The following RARB variants were observed in gnomAD, a reference collection of about 807,000 sequenced individuals.
RARB encodes the protein retinoic acid receptor beta.
Under a neutral mutation model 51.9 loss-of-function variants are expected in RARB, and 17 were observed. The ratio of observed to expected loss-of-function variants is 0.33; its 90% confidence interval spans 0.22 to 0.49. The LOEUF (loss-of-function observed/expected upper bound fraction) is 0.49. Among genes scored for constraint, RARB ranks in the 20% least tolerant of loss-of-function variants. The pLI is 0.99. For missense variants in RARB, 369 were observed against 550.8 expected, an observed-to-expected ratio of 0.67 and a Z score of 3.30; for synonymous variants, 215 against 195.4, an observed-to-expected ratio of 1.10 and a Z score of -0.84.
chr3:24,906,315 G>A (rs1399342138), intron 2 of RARB, among the ~76,000 whole-genome samples: 1 of 152,190 alleles, frequency 6.6e-6, no homozygotes, highest in East Asian at 1.9e-4. Context: ...ATGGATCTTA[G>A]TGTTTGGATT....
intron 5 of RARB, among the ~76,000 whole-genome samples, chr3:25,324,915 G>T (rs367811285): frequency 6.6e-6 from 1 of 152,102 alleles, no homozygotes; most frequent in Non-Finnish European, 1.5e-5. Flanking sequence ...AAGGAGTCCT[G>T]ATCCAGACCT....
At chr3:25,205,407 C>T (rs907926085) in intron 5 of RARB, among the ~76,000 whole-genome samples, 18 of 152,238 alleles carry the variant, frequency 1.2e-4, no homozygotes, top group South Asian at 4.1e-4. Flanking sequence ...CTTTGGCTCA[C>T]GTTCGGTGCG....
chr3:25,032,644 G>C (rs1697899598), intron 2 of RARB, among the ~76,000 whole-genome samples: 1 of 152,218 alleles, frequency 6.6e-6, no homozygotes, highest in South Asian at 2.1e-4. Context: ...TGGTCAGGCT[G>C]TGTGAGACAC....
intron 5 of RARB, among the ~76,000 whole-genome samples, chr3:25,200,878 T>G (rs1489717154): frequency 6.6e-6 from 1 of 152,222 alleles, no homozygotes; most frequent in Admixed American, 6.5e-5. Flanking sequence ...GGTAGCATGA[T>G]ACCTCCAGCT....
chr3:25,179,435 C>T (rs887676922), intron 5 of RARB, among the ~76,000 whole-genome samples: 1 of 152,134 alleles, frequency 6.6e-6, no homozygotes, highest in Non-Finnish European at 1.5e-5. Flanking sequence ...CTCTACTGGA[C>T]AGGAATCACA....
chr3:25,215,319 G>A (rs763580995), intron 5 of RARB, among the ~76,000 whole-genome samples: 2 of 152,122 alleles, frequency 1.3e-5, no homozygotes, highest in African/African-American at 2.4e-5. Context: ...TTTTAAGAAA[G>A]CATGGAAATA....
intron 4 of RARB, among the ~76,000 whole-genome samples, chr3:25,145,798 C>T (rs530563297): frequency 2.1e-4 from 32 of 151,712 alleles, no homozygotes; most frequent in Admixed American, 1.6e-3. Flanking sequence ...GAGTTCGAGA[C>T]CAGCCTGGCC....
At chr3:24,892,582 A>C (rs1703406797) in intron 2 of RARB, among the ~76,000 whole-genome samples, 1 of 152,236 alleles carries the variant, frequency 6.6e-6, no homozygotes, top group Non-Finnish European at 1.5e-5. Context: ...AGAATGGCCA[A>C]AACATATTCA....
chr3:24,882,277 A>G (rs1431880864), intron 2 of RARB, among the ~76,000 whole-genome samples: 1 of 152,200 alleles, frequency 6.6e-6, no homozygotes, highest in Non-Finnish European at 1.5e-5. Flanking sequence ...TGAATTCTGG[A>G]TGTGTTGATT....
At chr3:25,414,437 G>T (rs151260822) in intron 5 of RARB, among the ~76,000 whole-genome samples, 1 of 152,262 alleles carries the variant, frequency 6.6e-6, no homozygotes, top group East Asian at 1.9e-4. Context: ...TAAACACCTA[G>T]GCATGGAATG....
intron 2 of RARB, among the ~76,000 whole-genome samples, chr3:24,949,894 T>A (rs1184535496): frequency 3.9e-5 from 6 of 152,234 alleles, no homozygotes. Context: ...TAGCCTACAT[T>A]GGCACTGGTA....
intron 2 of RARB, among the ~76,000 whole-genome samples, chr3:24,938,904 CT>C (rs529568148): frequency 6.6e-5 from 10 of 152,056 alleles, no homozygotes; most frequent in Admixed American, 5.2e-4. Context: ...AGTTTTATTC[CT>C]TTTTAAGGCG....
chr3:25,216,661 T>G (rs1027653981), intron 5 of RARB, among the ~76,000 whole-genome samples: 15 of 151,770 alleles, frequency 9.9e-5, no homozygotes, highest in African/African-American at 3.6e-4. Context: ...ACATGTATAC[T>G]TATTGCAACA....
intron 2 of RARB, among the ~76,000 whole-genome samples, chr3:24,864,685 T>C (rs555542470): frequency 6.6e-6 from 1 of 151,012 alleles, no homozygotes; most frequent in Non-Finnish European, 1.5e-5. Context: ...TTGTAAGTGA[T>C]TTTTTGGAAT....
At position 25,501,227 on chromosome 3, in the gene RARB, C is replaced by T; in HGVS notation, c.352C>T (p.His118Tyr). Residue 118 changes from histidine to tyrosine, a missense_variant, in exon 3 of 8, where the codon CAC (histidine) becomes TAC (tyrosine). Around this residue, in one of 9 missense-constraint regions of RARB, gnomAD observed 26 missense variants for 28.8 expected, o/e 0.90. Transcript: ENST00000330688. Reference protein sequence around the residue: ...SIQKNMIYTCHRDKNCVINKV... With the variant: ...SIQKNMIYTCYRDKNCVINKV... ...TCAGAAGAATATGATTTACACTTGT[C>T]ACCGAGATAAGAACTGTGTTATTAA... 1 of 1,608,910 alleles carries T rather than the reference C, an allele frequency of 6.2e-7. No homozygotes were observed. The highest frequency in any genetic ancestry group is 1.7e-5 in the Admixed American group (1 of 58,954).
chr3:25,364,664 C>T lies in RARB; in HGVS notation c.179-96529C>T, dbSNP rs1706055794. ...CTTGTTTGGGCTGTATCGGAGAGGGCCTTGAATGCCACAGTGAAGGTTGTT... is the reference window on the plus strand; with the variant it reads ...CTTGTTTGGGCTGTATCGGAGAGGGTCTTGAATGCCACAGTGAAGGTTGTT... On this transcript the variant is annotated intron_variant, in intron 5 of 11. Transcript: ENST00000383772. Among the ~76,000 whole-genome samples the T allele has an allele frequency of 3.9e-5, 6 of 152,268 alleles. No individual in the cohort carries two copies. The South Asian group carries it at 1.2e-3, about 32-fold the overall frequency.
At chr3:25,523,149 G>A (rs531971359) in intron 3 of RARB, among the ~76,000 whole-genome samples, 3 of 152,332 alleles carry the variant, frequency 2.0e-5, no homozygotes, top group Non-Finnish European at 4.4e-5. Flanking sequence ...TTTCCAGTAA[G>A]TTTCCCCAAT....
At chr3:25,097,120 C>G (rs1017073600) in intron 3 of RARB, among the ~76,000 whole-genome samples, 1 of 152,142 alleles carries the variant, frequency 6.6e-6, no homozygotes, top group African/African-American at 2.4e-5. Context: ...AGCAAACAAT[C>G]AGAGACAGTA....
chr3:25,473,722 T>C (rs1695814436), intron 2 of RARB, among the ~76,000 whole-genome samples: 1 of 152,172 alleles, frequency 6.6e-6, no homozygotes, highest in Non-Finnish European at 1.5e-5. Flanking sequence ...ATTTCACTTC[T>C]TAACTTGTTC....
Sources: gnomAD v4.1 joint callset for allele counts (sites outside exome capture counted in the v4.1 genomes callset) on GRCh38, gnomAD v4.1.1 for gene constraint, gnomAD v4.1.1 regional missense constraint, MANE v1.5 for transcripts, NCBI Gene and HGNC (gene_info 2026-07-23, HGNC 2026-07-21) for gene names.